Variants in CUX2 observed in about 807,000 individuals in gnomAD.
CUX2 encodes the protein cut like homeobox 2, also known as homeobox protein cut-like 2.
CUX2 carries 40 observed loss-of-function variants against 144.8 expected under a neutral mutation model. The ratio of observed to expected loss-of-function variants is 0.28; its 90% CI spans 0.21 to 0.36. The LOEUF (loss-of-function observed/expected upper bound fraction) is 0.36, where lower values mean the gene tolerates loss of function less well. CUX2 is among the 10% of genes least tolerant of loss of function. The probability of loss-of-function intolerance (pLI) is 1.00; values close to 1 mark genes in which losing one functional copy is unlikely to be tolerated. For missense variants in CUX2, 1,615 were observed against 1,994.0 expected (o/e 0.81, Z 3.62); for synonymous variants, 827 against 875.6 (o/e 0.94, Z 0.98).
intron 4 of CUX2, among the ~76,000 whole-genome samples, chr12:111,275,023 AAG>A (rs1323957090): frequency 1.3e-5 from 2 of 152,128 alleles, no homozygotes; most frequent in African/African-American, 4.8e-5. Context: ...GGAATAGGCG[AAG>A]TTGTACCCAC....
chr12:111,059,598 G>A lies in CUX2; in HGVS notation c.63+25358G>A, dbSNP rs183977926. On this transcript the variant is annotated intron_variant, in intron 1 of 21. Transcript: ENST00000261726. This position sits in a 1 kb window ranked among gnomAD's most constrained non-coding sequence, Gnocchi z 5.3. ...AGGGTCAGCTTTCTGTATCCTAGAG[G>A]TGGGGAGGTGGGAGATGAAGTGGGG... is the stretch of plus-strand genomic sequence containing the variant. Among the ~76,000 whole-genome samples the A allele has an allele frequency of 9.9e-5, 15 of 152,186 alleles. No homozygotes were observed. The highest frequency in any genetic ancestry group is 3.3e-4 in the Admixed American group (5 of 15,306).
intron 18 of CUX2, among the ~76,000 whole-genome samples, chr12:111,324,399 C>G (rs1230517101): frequency 6.6e-6 from 1 of 151,580 alleles, no homozygotes; most frequent in Non-Finnish European, 1.5e-5. Flanking sequence ...GGCAGCCCCC[C>G]AGCTGGGGAG....
At chr12:111,050,490 C>G (rs1870211842) in intron 1 of CUX2, among the ~76,000 whole-genome samples, 1 of 152,178 alleles carries the variant, frequency 6.6e-6, no homozygotes, top group South Asian at 2.1e-4. Flanking sequence ...GTCTCCAGGT[C>G]AAGACGTTCA....
chr12:111,284,060 T>C (rs960498589), intron 4 of CUX2, among the ~76,000 whole-genome samples: 8 of 151,950 alleles, frequency 5.3e-5, no homozygotes, highest in African/African-American at 1.9e-4. Context: ...TTCCCCTCTT[T>C]CTTTTGTGGG....
chr12:111,291,846 C>T (rs1317891665), intron 5 of CUX2, among the ~76,000 whole-genome samples: 2 of 152,050 alleles, frequency 1.3e-5, no homozygotes, highest in African/African-American at 2.4e-5. Flanking sequence ...TCAACAGACC[C>T]GTTCAGGTTC....
chr12:111,253,922 G>A (rs981388485), intron 3 of CUX2, among the ~76,000 whole-genome samples: 1 of 151,530 alleles, frequency 6.6e-6, no homozygotes, highest in African/African-American at 2.4e-5. Flanking sequence ...TAGAAACGGA[G>A]TTTCACTATG....
At chr12:111,305,891 TG>T (rs1487074478) in intron 10 of CUX2, among the ~76,000 whole-genome samples, 1 of 152,112 alleles carries the variant, frequency 6.6e-6, no homozygotes, top group African/African-American at 2.4e-5. Flanking sequence ...TATTTGTGTG[TG>T]TGTGTCAGCA....
chr12:111,145,439 G>A (rs1876605875), intron 1 of CUX2, among the ~76,000 whole-genome samples: 1 of 152,172 alleles, frequency 6.6e-6, no homozygotes, highest in South Asian at 2.1e-4. Flanking sequence ...CATGATCATA[G>A]CTCACTGTAG....
chr12:111,056,486 T>A (rs118061073), intron 1 of CUX2, among the ~76,000 whole-genome samples: 1 of 152,376 alleles, frequency 6.6e-6, no homozygotes, highest in Non-Finnish European at 1.5e-5. Context: ...CCCCAGTTTA[T>A]GGCCTCTCTG....
intron 16 of CUX2, among the ~76,000 whole-genome samples, chr12:111,318,360 G>C (rs1887308817): frequency 6.7e-6 from 1 of 149,946 alleles, no homozygotes; most frequent in Non-Finnish European, 1.5e-5. Context: ...AAAGTGCTGG[G>C]ATTATAAGCA....
chr12:111,154,253 A>C (rs1384779961), intron 1 of CUX2, among the ~76,000 whole-genome samples: 1 of 151,966 alleles, frequency 6.6e-6, no homozygotes, highest in Non-Finnish European at 1.5e-5. Flanking sequence ...TGTCACTGGA[A>C]TGTTCTTTCT....
intron 1 of CUX2, among the ~76,000 whole-genome samples, chr12:111,110,222 C>G (rs1873859224): frequency 6.6e-6 from 1 of 152,090 alleles, no homozygotes; most frequent in African/African-American, 2.4e-5. Context: ...CGCCCATAGA[C>G]AACCAAGGCC....
At chr12:111,338,975 G>A (rs1888468079) in intron 20 of CUX2, among the ~76,000 whole-genome samples, 2 of 152,148 alleles carry the variant, frequency 1.3e-5, no homozygotes, top group South Asian at 2.1e-4. Context: ...GCTCACGCCT[G>A]TAATCTCAGC....
rs1727839656 is a variant in CUX2, at chr12:111,289,680, T to A, written c.302-1738T>A. Among the ~76,000 whole-genome samples, 1 of 151,788 alleles carries A rather than the reference T, an allele frequency of 6.6e-6. No homozygotes were observed. The highest frequency in any genetic ancestry group is 2.1e-4 in the South Asian group (1 of 4,798). On this transcript the variant is annotated intron_variant, in intron 4 of 21. Coordinates refer to ENST00000261726, the MANE Select transcript of CUX2 (RefSeq NM_015267.4). This position sits in a 1 kb window ranked among gnomAD's most constrained non-coding sequence, Gnocchi z 4.1. ...AGAAGGACCTGCACGTTCCTCACCT[T>A]TGAGTGATTGGGGAATTGGTGGACA...
chr12:111,129,721 T>G (rs1023224905), intron 1 of CUX2, among the ~76,000 whole-genome samples: 1 of 152,206 alleles, frequency 6.6e-6, no homozygotes, highest in African/African-American at 2.4e-5. Context: ...AGGATTACTT[T>G]TGGTTTACTA....
chr12:111,221,021 T>C (rs1288709205), intron 3 of CUX2, among the ~76,000 whole-genome samples: 1 of 151,408 alleles, frequency 6.6e-6, no homozygotes, highest in Non-Finnish European at 1.5e-5. Context: ...GGCACACCGT[T>C]GGTGCTCAGT....
Position 111,330,718 on chromosome 12 carries a change from T to TATATATACATATAC in CUX2, c.2927-3716_2927-3715insCATATACATATATA, listed in dbSNP as rs1888069527. ...ATATATATATATATATATATATATA[T>TATATATACATATAC]ATATATATATATATATATATATATA... On this transcript the variant is annotated intron_variant, in intron 18 of 21. Transcript: ENST00000261726. Among the ~76,000 whole-genome samples, 14 of 43,556 alleles carry TATATATACATATAC rather than the reference T, an allele frequency of 3.2e-4. 1 individual carries two copies. Among genetic ancestry groups the TATATATACATATAC allele is most frequent in the Middle Eastern group, 8.6e-3 (1 of 116 alleles). The allele number at this position is 43,556 out of a possible 152,430, so 28.6% of individuals were successfully genotyped here.
chr12:111,268,449 C>A (rs1352538539), intron 4 of CUX2, among the ~76,000 whole-genome samples: 2 of 152,200 alleles, frequency 1.3e-5, no homozygotes, highest in African/African-American at 4.8e-5. Context: ...CAGAGGTATC[C>A]TTTTGGGGCG....
chr12:111,052,234 A>G (rs1350652446), intron 1 of CUX2, among the ~76,000 whole-genome samples: 1 of 152,032 alleles, frequency 6.6e-6, no homozygotes, highest in East Asian at 1.9e-4. Context: ...TGCCTGCTCC[A>G]CCTTGTATGG....
Sources: allele counts gnomAD v4.1 joint callset (sites outside exome capture counted in the v4.1 genomes callset), GRCh38; gene constraint gnomAD v4.1.1; non-coding constraint Gnocchi (gnomAD v3.1); transcripts MANE v1.5; gene names NCBI Gene and HGNC (gene_info 2026-07-23, HGNC 2026-07-21).